The following RAD23B variants were observed in gnomAD, a reference collection of about 807,000 sequenced individuals.
RAD23B encodes the protein RAD23 nucleotide excision repair protein B, also known as lysine-specific demethylase RAD23B.
Under a neutral mutation model 49.1 loss-of-function variants are expected in RAD23B, and 5 were observed. The ratio of observed to expected loss-of-function variants is 0.10; its 90% CI spans 0.05 to 0.21. RAD23B has a LOEUF of 0.21. Ranked by LOEUF, RAD23B falls within the 10% of genes least tolerant of loss-of-function variation. RAD23B has a pLI of 1.00. For missense variants in RAD23B, 356 were observed against 486.7 expected (o/e 0.73, Z 2.53); for synonymous variants, 184 against 165.4 (o/e 1.11, Z -0.86).
intron 5 of RAD23B, among the ~76,000 whole-genome samples, chr9:107,312,802 G>A (rs1017223693): frequency 2.6e-5 from 4 of 152,092 alleles, no homozygotes; most frequent in Admixed American, 1.3e-4. Flanking sequence ...CTGTGGCCTC[G>A]GCTCCAGCTG....
intron 3 of RAD23B, among the ~76,000 whole-genome samples, chr9:107,303,548 T>G (rs1826702237): frequency 6.6e-6 from 1 of 152,204 alleles, no homozygotes; most frequent in South Asian, 2.1e-4. Context: ...AACTTCCAGT[T>G]TAATCATTTT....
chr9:107,295,559 A>G lies in RAD23B; in HGVS notation c.67-4582A>G, dbSNP rs1318190846. Among the ~76,000 whole-genome samples, 4 of 152,202 alleles carry G rather than the reference A, an allele frequency of 2.6e-5. No homozygotes were observed. The East Asian group carries it at 7.7e-4, about 29-fold the overall frequency. ...AGTTCCTCTGTCTTCTGTTTTTAATAAGGTAGAAAGTGGTCACCTGCAGAC... is the reference window on the plus strand; with the variant it reads ...AGTTCCTCTGTCTTCTGTTTTTAATGAGGTAGAAAGTGGTCACCTGCAGAC... On this transcript the variant is annotated intron_variant, in intron 1 of 9. Transcript: ENST00000358015.
intron 4 of RAD23B, among the ~76,000 whole-genome samples, chr9:107,307,361 T>C (rs1826800746): frequency 6.6e-6 from 1 of 152,248 alleles, no homozygotes; most frequent in South Asian, 2.1e-4. Flanking sequence ...GACTTTTGTT[T>C]TTCTCCCCAG....
rs1826889216 is a variant in RAD23B, at chr9:107,311,645, C to T, written c.498-37C>T. On this transcript the variant is annotated intron_variant, in intron 4 of 9. Transcript: ENST00000358015. ...ACTAATGTAAATTAAATTTTATATA[C>T]TTTTTAAAATGTGATTTTTCTAAAA... The T allele has an allele frequency of 2.0e-6, 3 of 1,467,782 alleles. No individual in the cohort carries two copies. The East Asian group carries it at 7.2e-5, about 35-fold the overall frequency. The allele number at this position is 1,467,782 out of a possible 1,614,324, so 90.9% of individuals were successfully genotyped here.
At chr9:107,289,231 A>T (rs1833338159) in intron 1 of RAD23B, among the ~76,000 whole-genome samples, 1 of 150,646 alleles carries the variant, frequency 6.6e-6, no homozygotes, top group Non-Finnish European at 1.5e-5. Flanking sequence ...GTCACCCAGG[A>T]TAGAGTACAG....
intron 3 of RAD23B, among the ~76,000 whole-genome samples, chr9:107,305,994 C>T (rs2133079123): frequency 7.2e-6 from 1 of 138,746 alleles, no homozygotes; most frequent in Admixed American, 7.5e-5. Context: ...TATTAGGTAC[C>T]TTAAAGTTAC....
chr9:107,297,254 T>C (rs1207641317), intron 1 of RAD23B, among the ~76,000 whole-genome samples: 1 of 152,210 alleles, frequency 6.6e-6, no homozygotes, highest in Non-Finnish European at 1.5e-5. Flanking sequence ...ACATTTTTAG[T>C]GTTTAGTCTA....
Position 107,311,687 on chromosome 9 carries a change from C to G in RAD23B, c.503C>G (p.Ser168Trp). 1.3e-6 allele frequency: 2 copies of G among 1,569,846 alleles called. No individual in the cohort carries two copies. Among genetic ancestry groups the G allele is most frequent in the Non-Finnish European group, 1.7e-6 (2 of 1,165,310 alleles). The change falls in exon 5 of 10, where the codon TCG becomes TGG. Residue 168 changes from serine (S) to tryptophan (W), a missense_variant. By Grantham distance (177) the Ser-to-Trp change is radical. Coordinates refer to ENST00000358015, the MANE Select transcript of RAD23B (RefSeq NM_002874.5). ...ATSPTATDST[S>W]GDSSRSNLFE... ...TTTCTAAAATCCTTTTGTAGTACAT[C>G]GGGTGATTCTTCTCGGTCAAACCTT...
chr9:107,325,448 G>T (rs1161050711), intron 9 of RAD23B, among the ~76,000 whole-genome samples: 1 of 151,738 alleles, frequency 6.6e-6, no homozygotes, highest in Non-Finnish European at 1.5e-5. Context: ...CAGTGTAGAA[G>T]TTGTGTAATA....
At chr9:107,320,075 G>A (rs912836351) in intron 6 of RAD23B, among the ~76,000 whole-genome samples, 1 of 152,204 alleles carries the variant, frequency 6.6e-6, no homozygotes, top group Non-Finnish European at 1.5e-5. Flanking sequence ...GCTAGTTTCA[G>A]AAGAGTCAGT....
In RAD23B at chr9:107,332,030, A is replaced by G. The variant is rs1297931011; in HGVS notation, c.*2374A>G. The G allele has an allele frequency of 2.8e-6, 1 of 352,520 alleles. No homozygotes were observed. The highest frequency in any genetic ancestry group is 4.2e-5 in the East Asian group (1 of 23,574). The allele number at this position is 352,520 out of a possible 1,614,324, so 21.8% of individuals were successfully genotyped here. The stretch of plus-strand genomic sequence containing the variant: ...TTTCTCGTTTAGTTGCTCTGTGGGA[A>G]ATGTGAGGAAGCCTAAGTTTGTATT... On this transcript the variant is annotated 3_prime_UTR_variant, in exon 10 of 10. Coordinates refer to ENST00000358015, the MANE Select transcript of RAD23B (RefSeq NM_002874.5).
At chr9:107,317,405 T>C (rs1232306625) in intron 5 of RAD23B, among the ~76,000 whole-genome samples, 1 of 152,024 alleles carries the variant, frequency 6.6e-6, no homozygotes, top group Non-Finnish European at 1.5e-5. Flanking sequence ...AGACAGACAA[T>C]GGTGGGACAC....
At position 107,314,260 on chromosome 9, in the gene RAD23B, G is replaced by A. The variant is rs73517738; in HGVS notation, c.553+2523G>A. On this transcript the variant is annotated intron_variant, in intron 5 of 9. Coordinates refer to ENST00000358015, the MANE Select transcript of RAD23B (RefSeq NM_002874.5). ...CAGATTTCTTACATGCATATATTATGTGGTGGTGAAGTTTGGGCTTTTAGT... is the reference window on the plus strand; with the variant it reads ...CAGATTTCTTACATGCATATATTATATGGTGGTGAAGTTTGGGCTTTTAGT... Among the ~76,000 whole-genome samples, 752 of 152,246 alleles carry A rather than the reference G, an allele frequency of 4.9e-3. 7 individuals are homozygous for A. The highest frequency in any genetic ancestry group is 0.017 in the African/African-American group (721 of 41,536).
intron 1 of RAD23B, chr9:107,284,777 G>C (rs1174193684): frequency 8.8e-7 from 1 of 1,140,292 alleles, no homozygotes; most frequent in East Asian, 6.6e-5. Context: ...GAGATCAGGG[G>C]CTTTGGTGTT....
intron 3 of RAD23B, among the ~76,000 whole-genome samples, chr9:107,305,509 ATCATGT>A (rs1826744043): frequency 6.6e-6 from 1 of 152,150 alleles, no homozygotes; most frequent in Middle Eastern, 3.2e-3. Context: ...GAAAAAAATT[ATCATGT>A]AAGTGGACCC....
chr9:107,284,812 GT>G (rs967272536), intron 1 of RAD23B: 1 of 1,211,638 alleles, frequency 8.3e-7, no homozygotes. Context: ...TCCATTTGTG[GT>G]TTTGTAACTT....
At chr9:107,304,426 G>T (rs1487665805) in intron 3 of RAD23B, among the ~76,000 whole-genome samples, 2 of 150,710 alleles carry the variant, frequency 1.3e-5, no homozygotes, top group Non-Finnish European at 3.0e-5. Context: ...ATGATCTCAG[G>T]ATTTCAGCTC....
At chr9:107,286,455 T>C (rs988942778) in intron 1 of RAD23B, among the ~76,000 whole-genome samples, 1 of 152,234 alleles carries the variant, frequency 6.6e-6, no homozygotes, top group Non-Finnish European at 1.5e-5. Flanking sequence ...CAAAACTTTC[T>C]TAGACTTATT....
At position 107,311,742 on chromosome 9, in the gene RAD23B, G is replaced by A; in HGVS notation, c.553+5G>A. ...AAGATGCAACGAGTGCACTTGGTAA[G>A]TATCTGCTTTTCCTTATAAATAACC... On this transcript the variant is annotated splice_donor_5th_base_variant and intron_variant, in intron 5 of 9. Coordinates refer to ENST00000358015, the MANE Select transcript of RAD23B (RefSeq NM_002874.5). The A allele has an allele frequency of 1.3e-5, 21 of 1,567,258 alleles. No individual in the cohort carries two copies. Among genetic ancestry groups the A allele is most frequent in the East Asian group, 2.3e-5 (1 of 42,676 alleles).
Sources: allele counts gnomAD v4.1 joint callset (sites outside exome capture counted in the v4.1 genomes callset), GRCh38; gene constraint gnomAD v4.1.1; transcripts MANE v1.5; gene names NCBI Gene and HGNC (gene_info 2026-07-23, HGNC 2026-07-21).